The following ADGRB3 variants were observed in gnomAD, a reference collection of about 807,000 sequenced individuals.
ADGRB3 encodes adhesion G protein-coupled receptor B3, also known as brain-specific angiogenesis inhibitor 3.
A neutral mutation model predicts 193.4 loss-of-function variants in ADGRB3; 37 were observed. That is an observed-to-expected ratio of 0.19 (90% CI 0.15 to 0.25). The LOEUF (loss-of-function observed/expected upper bound fraction) is 0.25. Among genes scored for constraint, ADGRB3 ranks in the 10% least tolerant of loss-of-function variants. ADGRB3 has a pLI of 1.00. For synonymous variants in ADGRB3, 690 were observed against 644.2 expected, an observed-to-expected ratio of 1.07 and a Z score of -1.08; for missense variants, 1,637 against 1,852.9, an observed-to-expected ratio of 0.88 and a Z score of 2.14.
intron 13 of ADGRB3, among the ~76,000 whole-genome samples, chr6:69,024,092 T>G (rs1409003041): frequency 6.6e-6 from 1 of 152,088 alleles, no homozygotes. Flanking sequence ...TCATAAAAGT[T>G]TTTTTCAATT....
intron 11 of ADGRB3, among the ~76,000 whole-genome samples, chr6:69,013,472 G>T (rs998330909): frequency 7.9e-5 from 12 of 152,078 alleles, no homozygotes; most frequent in Admixed American, 7.2e-4. Flanking sequence ...CCTGCTCTTA[G>T]CATGTGTGAT....
intron 3 of ADGRB3, among the ~76,000 whole-genome samples, chr6:68,768,704 A>G (rs1766559646): frequency 6.6e-6 from 1 of 152,188 alleles, no homozygotes; most frequent in Non-Finnish European, 1.5e-5. Context: ...ATCTAATTAA[A>G]CTAAAGAGCT....
intron 3 of ADGRB3, among the ~76,000 whole-genome samples, chr6:68,915,333 A>G (rs1263242926): frequency 6.6e-6 from 1 of 152,228 alleles, no homozygotes; most frequent in Non-Finnish European, 1.5e-5. Flanking sequence ...TTCATTGGAA[A>G]GAATTCCAGC....
chr6:68,966,481 G>T lies in ADGRB3; in HGVS notation c.1526-8282G>T, dbSNP rs1768384468. Among the ~76,000 whole-genome samples the T allele has an allele frequency of 1.3e-5, 2 of 151,974 alleles. 1 individual carries two copies. The highest frequency in any genetic ancestry group is 4.1e-4 in the South Asian group (2 of 4,820). ...TTTACACTTTACCCTTTCTGAAACG[G>T]TCACCTTCTTGGTTATTCCCAGTTC... On this transcript the variant is annotated intron_variant, in intron 8 of 31. Coordinates refer to ENST00000370598, the MANE Select transcript of ADGRB3 (RefSeq NM_001704.3).
chr6:68,733,983 A>C (rs915936519), intron 3 of ADGRB3, among the ~76,000 whole-genome samples: 7 of 152,082 alleles, frequency 4.6e-5, no homozygotes, highest in African/African-American at 1.4e-4. Context: ...AGAAATGTAT[A>C]TACCTGCTAC....
intron 3 of ADGRB3, among the ~76,000 whole-genome samples, chr6:68,645,768 G>A (rs746807216): frequency 1.3e-5 from 2 of 152,068 alleles, no homozygotes; most frequent in Non-Finnish European, 2.9e-5. Context: ...CGCTTCCAGA[G>A]TTCAAGCGAT....
At chr6:68,951,346 T>G (rs1223760101) in intron 6 of ADGRB3, among the ~76,000 whole-genome samples, 1 of 152,130 alleles carries the variant, frequency 6.6e-6, no homozygotes, top group Non-Finnish European at 1.5e-5. Context: ...AGCTCTAATA[T>G]CGTCGTCTCC....
At chr6:68,952,451 A>G (rs1020876577) in intron 6 of ADGRB3, among the ~76,000 whole-genome samples, 6 of 152,020 alleles carry the variant, frequency 3.9e-5, no homozygotes, top group African/African-American at 1.4e-4. Context: ...TGACTTTTCA[A>G]TTATCTATTT....
intron 3 of ADGRB3, among the ~76,000 whole-genome samples, chr6:68,768,403 G>C (rs1247281838): frequency 2.6e-5 from 4 of 152,120 alleles, no homozygotes; most frequent in Non-Finnish European, 5.9e-5. Flanking sequence ...ACAACCATCT[G>C]ATCTTTGACA....
chr6:69,023,711 A>G (rs1770340173), intron 13 of ADGRB3, among the ~76,000 whole-genome samples: 2 of 152,248 alleles, frequency 1.3e-5, no homozygotes, highest in Non-Finnish European at 2.9e-5. Context: ...GAATTGATTG[A>G]AGTTGGGAAA....
In ADGRB3 at chr6:69,354,250, A is replaced by G. The variant is rs763695285; in HGVS notation, c.3477A>G (p.Arg1159=). The G allele has an allele frequency of 1.7e-5, 28 of 1,613,818 alleles. No homozygotes were observed. In the East Asian group the frequency reaches 5.8e-4, roughly 33 times the overall value. ...ILRREVQDAF[R]CRLRNCQDPI... is the part of the protein sequence containing the mutation. ...CCCCACAGGTTCAGGATGCATTTAG[A>G]TGCCGATTGAGAAACTGTCAGGATC... The change falls in exon 27 of 32, where the codon AGA becomes AGG. Residue 1159 remains arginine, a synonymous_variant. Transcript: ENST00000370598.
At chr6:69,255,285 T>C (rs961963166) in intron 20 of ADGRB3, among the ~76,000 whole-genome samples, 1 of 152,172 alleles carries the variant, frequency 6.6e-6, no homozygotes, top group African/African-American at 2.4e-5. Context: ...ATCGCCACAC[T>C]GACTTCTACA....
intron 3 of ADGRB3, among the ~76,000 whole-genome samples, chr6:68,862,590 A>G (rs1055076505): frequency 3.3e-5 from 5 of 152,190 alleles, no homozygotes; most frequent in Admixed American, 3.3e-4. Flanking sequence ...AGATCTTACC[A>G]AGTATCAAAA....
intron 3 of ADGRB3, among the ~76,000 whole-genome samples, chr6:68,660,548 T>A (rs1200942384): frequency 2.0e-5 from 3 of 151,046 alleles, no homozygotes; most frequent in Admixed American, 6.6e-5. Flanking sequence ...CCACTCAAAT[T>A]GATATTCCAT....
chr6:68,907,345 A>T (rs1431826294), intron 3 of ADGRB3, among the ~76,000 whole-genome samples: 3 of 151,876 alleles, frequency 2.0e-5, no homozygotes, highest in African/African-American at 7.2e-5. Context: ...CATTTAAATG[A>T]TTTGTTTCTT....
chr6:68,732,150 TA>T (rs1289192051), intron 3 of ADGRB3, among the ~76,000 whole-genome samples: 1 of 151,850 alleles, frequency 6.6e-6, no homozygotes, highest in Admixed American at 6.6e-5. Context: ...TGTAACTACT[TA>T]AAAATATTTT....
intron 17 of ADGRB3, among the ~76,000 whole-genome samples, chr6:69,079,657 A>T (rs2150313909): frequency 6.6e-6 from 1 of 152,158 alleles, no homozygotes; most frequent in Non-Finnish European, 1.5e-5. Flanking sequence ...TGGCTTACAA[A>T]GTTATCATTT....
At chr6:68,814,328 T>C (rs1377236035) in intron 3 of ADGRB3, among the ~76,000 whole-genome samples, 1 of 152,214 alleles carries the variant, frequency 6.6e-6, no homozygotes, top group Non-Finnish European at 1.5e-5. Context: ...CATCTTTTCA[T>C]GTGTCTTTTG....
intron 3 of ADGRB3, among the ~76,000 whole-genome samples, chr6:68,724,645 C>G (rs1765641400): frequency 6.8e-6 from 1 of 147,280 alleles, no homozygotes; most frequent in Admixed American, 6.8e-5. Flanking sequence ...TTCTGACAGT[C>G]TAAGCACAAA....
Sources: allele counts gnomAD v4.1 joint callset (sites outside exome capture counted in the v4.1 genomes callset), GRCh38; gene constraint gnomAD v4.1.1; transcripts MANE v1.5; gene names NCBI Gene and HGNC (gene_info 2026-07-23, HGNC 2026-07-21).